The following ARHGAP18 variants were observed in gnomAD, a reference collection of about 807,000 sequenced individuals.
ARHGAP18 encodes the protein rho GTPase-activating protein 18.
ARHGAP18 carries 67 observed loss-of-function variants against 86.2 expected under a neutral mutation model. That is an observed-to-expected ratio of 0.78 (90% confidence interval 0.64 to 0.95). The LOEUF (loss-of-function observed/expected upper bound fraction) is 0.95. ARHGAP18 is among the 40% of genes least tolerant of loss of function. The pLI, the probability that ARHGAP18 is intolerant of heterozygous loss-of-function variation, is 0.00. For synonymous variants in ARHGAP18, 283 were observed against 280.4 expected (o/e 1.01, Z -0.09); for missense variants, 691 against 780.4 (o/e 0.89, Z 1.37).
In ARHGAP18 at chr6:129,641,688, A is replaced by T. The variant is rs1584080317; in HGVS notation, c.316+128T>A. 2.0e-5 allele frequency: 17 copies of T among 837,614 alleles called. No individual in the cohort carries two copies. In the East Asian group the frequency reaches 4.4e-4, roughly 21 times the overall value. 51.9% of individuals were successfully genotyped at this position (837,614 alleles called of 1,614,324 possible). On this transcript the variant is annotated intron_variant, in intron 2 of 14. Coordinates refer to ENST00000368149, the MANE Select transcript of ARHGAP18 (RefSeq NM_033515.3). ...ATCTGCCTCAAACAAGTATTTTTCAAGTTGAAAGGCAGTATCTTTTTTTGG... is the reference window on the plus strand; with the variant it reads ...ATCTGCCTCAAACAAGTATTTTTCATGTTGAAAGGCAGTATCTTTTTTTGG...
At chr6:129,629,269 G>T in intron 5 of ARHGAP18, 84 bp downstream of exon 5, 3 of 1,140,648 alleles carry the variant, frequency 2.6e-6, no homozygotes, top group Non-Finnish European at 3.7e-6. Context: ...ATATGTGTGT[G>T]TGCGTGTGTG....
intron 5 of ARHGAP18, among the ~76,000 whole-genome samples, chr6:129,622,427 C>T (rs1000780748): frequency 1.3e-5 from 2 of 152,074 alleles, no homozygotes; most frequent in East Asian, 1.9e-4. Context: ...AAGCATTACC[C>T]AAGGTAAATG....
chr6:129,594,504 G>A (rs1268403228), intron 12 of ARHGAP18, among the ~76,000 whole-genome samples: 4 of 152,076 alleles, frequency 2.6e-5, no homozygotes, highest in Non-Finnish European at 1.5e-5. Flanking sequence ...TCCACCTTGT[G>A]TAATATGAAC....
intron 1 of ARHGAP18, among the ~76,000 whole-genome samples, chr6:129,687,965 A>G (rs573474006): frequency 6.8e-4 from 104 of 152,290 alleles, no homozygotes; most frequent in African/African-American, 2.5e-3. Flanking sequence ...TTCCCACTAC[A>G]GTGTCAATCC....
intron 8 of ARHGAP18, 135 bp downstream of exon 8, chr6:129,611,398 T>C (rs1788976363): frequency 1.4e-6 from 1 of 695,618 alleles, no homozygotes; most frequent in Non-Finnish European, 2.3e-6. Flanking sequence ...AACTGAATGG[T>C]AAAAGGTTTT....
rs1294749626 is a variant in ARHGAP18 at position 129,576,732 on chromosome 6, T to G, written c.*1781A>C. 6.8e-6 allele frequency: 1 copy of G among 147,584 alleles called. No individual in the cohort carries two copies. Among genetic ancestry groups the G allele is most frequent in the Non-Finnish European group, 1.5e-5 (1 of 65,992 alleles). The allele number at this position is 147,584 out of a possible 1,614,324, so 9.1% of individuals were successfully genotyped here. A position where few individuals can be genotyped will look rare whatever the true frequency, so the allele number is the denominator to read the frequency against. On this transcript the variant is annotated 3_prime_UTR_variant, in exon 15 of 15. Coordinates refer to ENST00000368149, the MANE Select transcript of ARHGAP18 (RefSeq NM_033515.3). Reference sequence around the variant, plus strand: ...TTAAATCATTATCCTCACTGCTATCTTTTTTTTTGAAGTTGTATACTCCTA... The same window carrying G: ...TTAAATCATTATCCTCACTGCTATCGTTTTTTTTGAAGTTGTATACTCCTA...
At chr6:129,660,500 A>G (rs1005828871) in intron 1 of ARHGAP18, among the ~76,000 whole-genome samples, 1 of 152,138 alleles carries the variant, frequency 6.6e-6, no homozygotes, top group African/African-American at 2.4e-5. Context: ...AAGATAGGAA[A>G]AAAAAGAGCA....
At chr6:129,673,784 T>A (rs950953111) in intron 1 of ARHGAP18, among the ~76,000 whole-genome samples, 1 of 152,206 alleles carries the variant, frequency 6.6e-6, no homozygotes, top group African/African-American at 2.4e-5. Context: ...TTTGAAAATC[T>A]GATATTTCTA....
chr6:129,636,727 A>C (rs1449760289), intron 3 of ARHGAP18, among the ~76,000 whole-genome samples: 1 of 152,192 alleles, frequency 6.6e-6, no homozygotes, highest in African/African-American at 2.4e-5. Context: ...AAGTACAAAA[A>C]ATTAGCTGGG....
intron 1 of ARHGAP18, among the ~76,000 whole-genome samples, chr6:129,659,352 T>C (rs1773903086): frequency 6.6e-6 from 1 of 152,262 alleles, no homozygotes; most frequent in Non-Finnish European, 1.5e-5. Context: ...AAAACATTTA[T>C]TTTCTCATTG....
At chr6:129,644,926 T>C (rs1410422899) in intron 1 of ARHGAP18, among the ~76,000 whole-genome samples, 1 of 152,246 alleles carries the variant, frequency 6.6e-6, no homozygotes, top group Non-Finnish European at 1.5e-5. Flanking sequence ...ATTTTGACTT[T>C]AATAAGATTC....
intron 5 of ARHGAP18, among the ~76,000 whole-genome samples, chr6:129,625,639 A>T (rs186061182): frequency 2.7e-5 from 2 of 72,736 alleles, no homozygotes; most frequent in Non-Finnish European, 4.8e-5. Context: ...ATATATTTAT[A>T]TTATATATTT....
chr6:129,666,628 T>C (rs553916652), intron 1 of ARHGAP18, among the ~76,000 whole-genome samples: 2 of 152,138 alleles, frequency 1.3e-5, no homozygotes, highest in Non-Finnish European at 2.9e-5. Context: ...TCAACCTGAC[T>C]CCAGGGCCTG....
chr6:129,702,798 G>A (rs983940931), intron 1 of ARHGAP18, among the ~76,000 whole-genome samples: 1 of 152,294 alleles, frequency 6.6e-6, no homozygotes, highest in African/African-American at 2.4e-5. Context: ...TCAGGAGTTC[G>A]AGACCAGCCT....
rs1562696493 is a variant in ARHGAP18, at chr6:129,625,165, T to TATATATATGATATATG, written c.786+4187_786+4188insCATATATCATATATAT. Among the ~76,000 whole-genome samples, 19 of 51,480 alleles carry TATATATATGATATATG rather than the reference T, an allele frequency of 3.7e-4. 5 individuals are homozygous for TATATATATGATATATG. The highest frequency in any genetic ancestry group is 1.3e-3 in the South Asian group (3 of 2,280). 33.8% of individuals were successfully genotyped at this position (51,480 alleles called of 152,430 possible). A position where few individuals can be genotyped will look rare whatever the true frequency, so the allele number is the denominator to read the frequency against. The stretch of plus-strand genomic sequence containing the variant: ...TATTATATATTATATAGATATATAT[T>TATATATATGATATATG]ATATATGATATATTATATATTATAT... On this transcript the variant is annotated intron_variant, in intron 5 of 14. Coordinates refer to ENST00000368149, the MANE Select transcript of ARHGAP18 (RefSeq NM_033515.3).
chr6:129,651,813 C>T, intron 1 of ARHGAP18, among the ~76,000 whole-genome samples: 1 of 152,324 alleles, frequency 6.6e-6, no homozygotes, highest in South Asian at 2.1e-4. Flanking sequence ...GCTCCTTGCT[C>T]TGGCCTAAAT....
chr6:129,671,243 C>T (rs762866284), intron 1 of ARHGAP18, among the ~76,000 whole-genome samples: 42 of 152,132 alleles, frequency 2.8e-4, no homozygotes, highest in Non-Finnish European at 5.6e-4. Flanking sequence ...TCAATATGTG[C>T]CTGGACACTA....
intron 1 of ARHGAP18, among the ~76,000 whole-genome samples, chr6:129,668,840 T>C (rs1179111434): frequency 6.6e-6 from 1 of 152,196 alleles, no homozygotes; most frequent in Admixed American, 6.5e-5. Context: ...CCTTTAGTGA[T>C]AGTCTGAGGC....
chr6:129,657,720 G>C (rs1412301173), intron 1 of ARHGAP18, among the ~76,000 whole-genome samples: 1 of 152,184 alleles, frequency 6.6e-6, no homozygotes, highest in Non-Finnish European at 1.5e-5. Context: ...GATTAAAAGA[G>C]GATCTTTCCA....
Sources: allele counts gnomAD v4.1 joint callset (sites outside exome capture counted in the v4.1 genomes callset), GRCh38; gene constraint gnomAD v4.1.1; transcripts MANE v1.5; gene names NCBI Gene and HGNC (gene_info 2026-07-23, HGNC 2026-07-21).